The following HM13 variants were observed in gnomAD, a reference collection of about 807,000 sequenced individuals.
HM13 encodes signal peptide peptidase.
A neutral mutation model predicts 50.0 loss-of-function variants in HM13; 18 were observed. The observed-to-expected ratio is 0.36, with a 90% CI of 0.25 to 0.53. HM13 has a LOEUF of 0.53. HM13 is among the 20% of genes least tolerant of loss of function. The pLI is 0.90. For missense variants in HM13, 393 were observed against 552.4 expected (o/e 0.71, Z 2.89); for synonymous variants, 197 against 232.6 (o/e 0.85, Z 1.39).
intron 2 of HM13, among the ~76,000 whole-genome samples, chr20:31,530,965 G>A (rs1320680450): frequency 6.6e-6 from 1 of 152,202 alleles, no homozygotes; most frequent in Non-Finnish European, 1.5e-5. Flanking sequence ...AGTTACAAGT[G>A]TGCTGGCCTA....
rs754742409 is a variant in HM13 at position 31,565,060 on chromosome 20, G to A, written c.949-1150G>A. ...AGGCACCTGTAGTCCCAGCTACTCC[G>A]GAGGCTAAGGCAGAAGAATGGTGTG... is the stretch of plus-strand genomic sequence containing the variant. On this transcript the variant is annotated intron_variant, in intron 10 of 12. Transcript: ENST00000398174. Among the ~76,000 whole-genome samples, 51 of 151,140 alleles carry A rather than the reference G, an allele frequency of 3.4e-4. 1 individual carries two copies. Among genetic ancestry groups the A allele is most frequent in the Middle Eastern group, 3.2e-3 (1 of 314 alleles).
At chr20:31,557,385 T>C (rs1403648648) in intron 8 of HM13, among the ~76,000 whole-genome samples, 3 of 152,216 alleles carry the variant, frequency 2.0e-5, no homozygotes, top group Non-Finnish European at 4.4e-5. Context: ...ATCTGTCCTT[T>C]CCCCACCCTC....
intron 11 of HM13, among the ~76,000 whole-genome samples, chr20:31,566,501 C>T (rs1379014285): frequency 2.0e-5 from 3 of 152,088 alleles, no homozygotes; most frequent in African/African-American, 2.4e-5. Context: ...GCCAGGGGAG[C>T]GCAAGGCATC....
intron 8 of HM13, among the ~76,000 whole-genome samples, chr20:31,558,237 C>T (rs539645142): frequency 5.3e-5 from 8 of 152,284 alleles, no homozygotes; most frequent in Middle Eastern, 3.4e-3. Flanking sequence ...AGTGGGTGGA[C>T]CGAGGTAACC....
chr20:31,567,725 ACACCTGTG>A (rs1765750542), intron 11 of HM13: 1 of 189,994 alleles, frequency 5.3e-6, no homozygotes. Flanking sequence ...AGACATTCAG[ACACCTGTG>A]CACTGATGTG....
chr20:31,549,951 T>A, intron 6 of HM13, 113 bp from the exon 7 acceptor site: 1 of 808,578 alleles, frequency 1.2e-6, no homozygotes, highest in Non-Finnish European at 2.2e-6. Flanking sequence ...CTGGAGCCCC[T>A]CCCAGCTCCC....
chr20:31,523,766 G>A (rs1982321562), intron 1 of HM13, among the ~76,000 whole-genome samples: 1 of 152,172 alleles, frequency 6.6e-6, no homozygotes, highest in Non-Finnish European at 1.5e-5. Context: ...GCACACTGCT[G>A]GCAAAAGCAG....
At chr20:31,522,480 G>A (rs1982227811) in intron 1 of HM13, among the ~76,000 whole-genome samples, 1 of 150,880 alleles carries the variant, frequency 6.6e-6, no homozygotes, top group South Asian at 2.1e-4. Context: ...AGAATCACTT[G>A]ATTTGTAGTG....
intron 2 of HM13, chr20:31,527,807 T>G (rs759788860): frequency 4.6e-5 from 23 of 502,578 alleles, no homozygotes; most frequent in Non-Finnish European, 7.5e-5. Context: ...TTTGTTTTGT[T>G]TTTGTGATAT....
At chr20:31,553,604 C>T (rs1040735792) in intron 7 of HM13, among the ~76,000 whole-genome samples, 17 of 151,986 alleles carry the variant, frequency 1.1e-4, no homozygotes, top group African/African-American at 4.1e-4. Flanking sequence ...ACCTACAGAC[C>T]CACAAGTCAG....
At chr20:31,538,333 AT>A (rs1983237497) in intron 3 of HM13, 72 bp downstream of exon 3, 1 of 1,613,334 alleles carries the variant, frequency 6.2e-7, no homozygotes, top group Admixed American at 1.7e-5. Flanking sequence ...GGATGAGAAC[AT>A]GACTTTTGGC....
intron 4 of HM13, among the ~76,000 whole-genome samples, chr20:31,546,595 A>G (rs1213954011): frequency 6.6e-6 from 1 of 151,892 alleles, no homozygotes; most frequent in Non-Finnish European, 1.5e-5. Context: ...TACTAAAAAC[A>G]CAAAAAAAAT....
intron 8 of HM13, among the ~76,000 whole-genome samples, chr20:31,555,331 C>G (rs1275713765): frequency 1.3e-5 from 2 of 152,252 alleles, no homozygotes; most frequent in African/African-American, 4.8e-5. Context: ...TCTGCACTCT[C>G]AGCAGAGGAG....
At chr20:31,544,567 T>C (rs1457166267) in intron 3 of HM13, among the ~76,000 whole-genome samples, 3 of 152,220 alleles carry the variant, frequency 2.0e-5, no homozygotes, top group African/African-American at 7.2e-5. Context: ...TCCACAAATA[T>C]GCTTCTTGAC....
chr20:31,550,735 T>C (rs1184264021), intron 7 of HM13, among the ~76,000 whole-genome samples: 1 of 152,166 alleles, frequency 6.6e-6, no homozygotes, highest in African/African-American at 2.4e-5. Flanking sequence ...TAAAACTCTT[T>C]AGGAGGCTGA....
At chr20:31,521,589 C>T (rs978680202) in intron 1 of HM13, among the ~76,000 whole-genome samples, 2 of 151,830 alleles carry the variant, frequency 1.3e-5, no homozygotes, top group African/African-American at 4.8e-5. Flanking sequence ...ATTAGCTGGG[C>T]GTGGTGGTAC....
chr20:31,547,805 C>A, intron 4 of HM13: 2 of 954,592 alleles, frequency 2.1e-6, no homozygotes, highest in Non-Finnish European at 3.4e-6. Context: ...GATAAAGGAG[C>A]TATCAAATTT....
intron 3 of HM13, chr20:31,538,860 TA>T (rs151030793): frequency 4.9e-6 from 1 of 205,444 alleles, no homozygotes; most frequent in African/African-American, 2.3e-5. Flanking sequence ...TCTGGTGATT[TA>T]AAGTGTTCAG....
At position 31,519,550 on chromosome 20, in the gene HM13, C is replaced by G. The variant is rs573054341; in HGVS notation, c.183+4816C>G. Among the ~76,000 whole-genome samples the G allele has an allele frequency of 1.5e-3, 227 of 152,288 alleles. 1 individual carries two copies. Among genetic ancestry groups the G allele is most frequent in the African/African-American group, 5.3e-3 (220 of 41,566 alleles). ...GCTTAGAATGCTAGTTCTCTAGTAT[C>G]TGGTCCCTGGGCCAGCAGTGTCAGC... On this transcript the variant is annotated intron_variant, in intron 1 of 12. Transcript: ENST00000398174.
Sources: gnomAD v4.1 joint callset for allele counts (sites outside exome capture counted in the v4.1 genomes callset) on GRCh38, gnomAD v4.1.1 for gene constraint, MANE v1.5 for transcripts, NCBI Gene and HGNC (gene_info 2026-07-23, HGNC 2026-07-21) for gene names.